NELL1: variants seen among roughly 807,000 people sequenced by gnomAD.
NELL1 encodes protein kinase C-binding protein NELL1.
NELL1 carries 76 observed loss-of-function variants against 107.4 expected under a neutral mutation model. The ratio of observed to expected loss-of-function variants is 0.71; its 90% confidence interval spans 0.59 to 0.86. The LOEUF (loss-of-function observed/expected upper bound fraction) is 0.86, where lower values mean the gene tolerates loss of function less well. Among genes scored for constraint, NELL1 ranks in the 40% least tolerant of loss-of-function variants. The pLI is 0.00. For missense variants in NELL1, 1,024 were observed against 1,005.5 expected, an observed-to-expected ratio of 1.02 and a Z score of -0.25; for synonymous variants, 353 against 341.2, an observed-to-expected ratio of 1.03 and a Z score of -0.38.
chr11:21,361,924 C>T (rs1340707330), intron 14 of NELL1, among the ~76,000 whole-genome samples: 3 of 151,950 alleles, frequency 2.0e-5, no homozygotes, highest in Non-Finnish European at 4.4e-5. Flanking sequence ...AGTTGGTTTT[C>T]ACCTTTCTCT....
intron 14 of NELL1, among the ~76,000 whole-genome samples, chr11:21,338,551 C>T (rs1377477418): frequency 6.6e-6 from 1 of 152,078 alleles, no homozygotes; most frequent in Non-Finnish European, 1.5e-5. Context: ...AGGGTGGGTA[C>T]AGATGGCGAC....
At chr11:21,212,343 A>T (rs1464320915) in intron 13 of NELL1, among the ~76,000 whole-genome samples, 1 of 152,194 alleles carries the variant, frequency 6.6e-6, no homozygotes, top group Non-Finnish European at 1.5e-5. Flanking sequence ...TCAAATTATT[A>T]TTGCTGTTTA....
intron 3 of NELL1, among the ~76,000 whole-genome samples, chr11:20,793,058 A>AT (rs1365476399): frequency 6.6e-6 from 1 of 151,986 alleles, no homozygotes; most frequent in African/African-American, 2.4e-5. Flanking sequence ...TGTAAACATA[A>AT]TTAGAAAAGG....
At chr11:21,141,531 G>A (rs1855868084) in intron 13 of NELL1, among the ~76,000 whole-genome samples, 1 of 152,058 alleles carries the variant, frequency 6.6e-6, no homozygotes, top group African/African-American at 2.4e-5. Context: ...TAGAGATGTG[G>A]TCAAGATAAA....
intron 11 of NELL1, among the ~76,000 whole-genome samples, chr11:20,954,604 A>C (rs567637399): frequency 6.6e-6 from 1 of 152,308 alleles, no homozygotes; most frequent in South Asian, 2.1e-4. Flanking sequence ...CAGCCCACAG[A>C]GTAGAGGCCC....
chr11:21,030,153 G>A (rs1289243912), intron 12 of NELL1, among the ~76,000 whole-genome samples: 3 of 152,158 alleles, frequency 2.0e-5, no homozygotes, highest in African/African-American at 7.2e-5. Context: ...TTCTTTAGGG[G>A]TCAGCAGAAA....
intron 2 of NELL1, among the ~76,000 whole-genome samples, chr11:20,780,515 A>T (rs549303199): frequency 6.6e-6 from 1 of 152,336 alleles, no homozygotes; most frequent in South Asian, 2.1e-4. Flanking sequence ...AAAACAATGG[A>T]TAAATAAGTA....
At chr11:21,369,899 TG>T (rs1401270298) in intron 14 of NELL1, among the ~76,000 whole-genome samples, 1 of 152,086 alleles carries the variant, frequency 6.6e-6, no homozygotes, top group African/African-American at 2.4e-5. Flanking sequence ...ACCTGTAAAA[TG>T]TAGATTAATT....
chr11:21,461,028 T>C (rs560164622), intron 15 of NELL1, among the ~76,000 whole-genome samples: 4 of 152,258 alleles, frequency 2.6e-5, no homozygotes, highest in Admixed American at 6.6e-5. Context: ...ACATCTTCAG[T>C]AATAAATTCC....
At chr11:21,397,167 C>T (rs559471447) in intron 15 of NELL1, among the ~76,000 whole-genome samples, 75 of 151,470 alleles carry the variant, frequency 5.0e-4, no homozygotes, top group Non-Finnish European at 9.3e-4. Context: ...ATAAGACACA[C>T]GAGGAATCAT....
rs1190379120 is a variant in NELL1 at position 20,928,484 on chromosome 11, G to A, written c.997+5G>A. 1 of 1,609,478 alleles carries A rather than the reference G, an allele frequency of 6.2e-7. No homozygotes were observed. Among genetic ancestry groups the A allele is most frequent in the Non-Finnish European group, 8.5e-7 (1 of 1,175,856 alleles). ...AGTGCTGTAAGGTCTGCCGACGTAAGTACTGACTGAGGGTCAGACTGGCTG... is the reference window on the plus strand; with the variant it reads ...AGTGCTGTAAGGTCTGCCGACGTAAATACTGACTGAGGGTCAGACTGGCTG... On this transcript the variant is annotated splice_donor_5th_base_variant and intron_variant, in intron 9 of 19. Transcript: ENST00000357134.
chr11:21,077,951 A>G (rs117378785), intron 12 of NELL1, among the ~76,000 whole-genome samples: 2 of 152,104 alleles, frequency 1.3e-5, no homozygotes, highest in Non-Finnish European at 2.9e-5. Flanking sequence ...CAAAATATAG[A>G]TTAGTAAATT....
At chr11:21,292,114 T>C (rs1042363529) in intron 14 of NELL1, among the ~76,000 whole-genome samples, 4 of 152,192 alleles carry the variant, frequency 2.6e-5, no homozygotes, top group Admixed American at 2.6e-4. Context: ...TGTATTCAAA[T>C]AGAAAGAGAG....
chr11:21,292,104 T>C (rs1466521768), intron 14 of NELL1, among the ~76,000 whole-genome samples: 2 of 152,100 alleles, frequency 1.3e-5, no homozygotes, highest in African/African-American at 4.8e-5. Flanking sequence ...AGAAATAAAG[T>C]GTATTCAAAT....
chr11:21,185,420 G>A (rs373922090), intron 13 of NELL1, among the ~76,000 whole-genome samples: 4 of 149,486 alleles, frequency 2.7e-5, no homozygotes, highest in African/African-American at 9.9e-5. Flanking sequence ...TCAGCCTCTC[G>A]AATAGCTGGG....
intron 14 of NELL1, among the ~76,000 whole-genome samples, chr11:21,350,879 A>T (rs1159114818): frequency 6.6e-6 from 1 of 152,112 alleles, no homozygotes; most frequent in Admixed American, 6.6e-5. Flanking sequence ...AGTGGACCTA[A>T]AAAAATATGT....
chr11:20,783,775 C>T lies in NELL1; in HGVS notation c.280C>T (p.Gln94Ter). The change falls in exon 3 of 20, where the codon CAG becomes TAG. Residue 94 changes from glutamine (Q) to a stop codon, truncating the protein, a stop_gained. Transcript: ENST00000357134. LOFTEE classifies it high-confidence loss of function. ...KSEFTILATV[Q>*]QKPSTSGVIL... The stretch of plus-strand genomic sequence containing the variant: ...TGAATTCACCATTTTGGCCACTGTA[C>T]AGCAGAAGCCATCCACTTCAGGAGT... 6.2e-7 allele frequency: 1 copy of T among 1,613,884 alleles called. No homozygotes were observed. Among genetic ancestry groups the T allele is most frequent in the Non-Finnish European group, 8.5e-7 (1 of 1,179,802 alleles).
intron 2 of NELL1, among the ~76,000 whole-genome samples, chr11:20,702,027 T>C (rs896403054): frequency 2.6e-5 from 4 of 152,132 alleles, no homozygotes; most frequent in African/African-American, 9.7e-5. Context: ...TTAAAGTAGT[T>C]TTTTTCCAAT....
At chr11:20,803,468 C>T (rs1206696162) in intron 3 of NELL1, among the ~76,000 whole-genome samples, 2 of 152,022 alleles carry the variant, frequency 1.3e-5, no homozygotes, top group East Asian at 3.9e-4. Flanking sequence ...AAAGATTTGT[C>T]AGTTTTGTTT....
Sources: gnomAD v4.1 joint callset for allele counts (sites outside exome capture counted in the v4.1 genomes callset) on GRCh38, gnomAD v4.1.1 for gene constraint, MANE v1.5 for transcripts, NCBI Gene and HGNC (gene_info 2026-07-23, HGNC 2026-07-21) for gene names.